Variants in LRCH1 observed in about 807,000 individuals in gnomAD.
The protein encoded by LRCH1 is leucine rich repeats and calponin homology domain containing 1.
In LRCH1, 23 loss-of-function variants were observed where a neutral mutation model predicts 94.9. The observed-to-expected ratio is 0.24, with a 90% CI of 0.17 to 0.34. The LOEUF is 0.34. LRCH1 is among the 10% of genes least tolerant of loss of function. The pLI, the probability that LRCH1 is intolerant of heterozygous loss-of-function variation, is 1.00. For synonymous variants in LRCH1, 364 were observed against 354.9 expected, an observed-to-expected ratio of 1.03 and a Z score of -0.29; for missense variants, 790 against 945.9, an observed-to-expected ratio of 0.84 and a Z score of 2.16.
intron 1 of LRCH1, among the ~76,000 whole-genome samples, chr13:46,598,092 C>A (rs2050584856): frequency 6.6e-6 from 1 of 152,066 alleles, no homozygotes; most frequent in South Asian, 2.1e-4. Context: ...ACTAGCCTGG[C>A]CAACATGATG....
chr13:46,636,642 C>G lies in LRCH1; in HGVS notation c.308-13559C>G, dbSNP rs1581766. ...TACATTCCCCCTCCACCACTTTTCT[C>G]AGGGTCACCTGTGGCCTCCACTTGC... On this transcript the variant is annotated intron_variant, in intron 1 of 19. Coordinates refer to ENST00000389797, the MANE Select transcript of LRCH1 (RefSeq NM_001164211.2). Among the ~76,000 whole-genome samples, 11 of 152,288 alleles carry G rather than the reference C, an allele frequency of 7.2e-5. No homozygotes were observed. In the South Asian group the frequency reaches 2.1e-3, roughly 29 times the overall value.
chr13:46,659,187 TA>T (rs2051414024), intron 2 of LRCH1, among the ~76,000 whole-genome samples: 2 of 149,868 alleles, frequency 1.3e-5, no homozygotes, highest in African/African-American at 5.0e-5. Context: ...TTTATTTATT[TA>T]TTTATTTATT....
intron 1 of LRCH1, among the ~76,000 whole-genome samples, chr13:46,608,717 T>G (rs1441368896): frequency 6.6e-6 from 1 of 152,236 alleles, no homozygotes; most frequent in Non-Finnish European, 1.5e-5. Flanking sequence ...GCTCGTCTCT[T>G]GCTAAAAGAG....
intron 1 of LRCH1, among the ~76,000 whole-genome samples, chr13:46,573,446 T>C (rs1470508473): frequency 6.6e-6 from 1 of 152,176 alleles, no homozygotes; most frequent in Non-Finnish European, 1.5e-5. Flanking sequence ...GTTGCAGCAC[T>C]GTTGACAATA....
Position 46,553,351 on chromosome 13 carries a change from C to A in LRCH1, c.-46C>A, listed in dbSNP as rs754196268. Reference sequence around the variant, plus strand: ...TTTCCCCTCGCGGGGAACGCTGTGACCCCCCCGCAGGAGCGGCGGGGCGGG... The same window carrying A: ...TTTCCCCTCGCGGGGAACGCTGTGAACCCCCCGCAGGAGCGGCGGGGCGGG... On this transcript the variant is annotated 5_prime_UTR_variant, in exon 1 of 20. Coordinates refer to ENST00000389797, the MANE Select transcript of LRCH1 (RefSeq NM_001164211.2). 2.7e-5 allele frequency: 39 copies of A among 1,447,436 alleles called. No individual in the cohort carries two copies. In the African/African-American group the frequency reaches 4.8e-4, roughly 18 times the overall value. 89.7% of individuals were successfully genotyped at this position (1,447,436 alleles called of 1,614,324 possible). A position where few individuals can be genotyped will look rare whatever the true frequency, so the allele number is the denominator to read the frequency against.
At chr13:46,684,635 T>C (rs2138147378) in intron 4 of LRCH1, among the ~76,000 whole-genome samples, 1 of 152,314 alleles carries the variant, frequency 6.6e-6, no homozygotes, top group East Asian at 1.9e-4. Flanking sequence ...ATCTTCATAA[T>C]TCTTATCATC....
intron 16 of LRCH1, among the ~76,000 whole-genome samples, chr13:46,716,821 C>T (rs1483624857): frequency 6.6e-6 from 1 of 152,010 alleles, no homozygotes; most frequent in African/African-American, 2.4e-5. Context: ...AAATGGCCCT[C>T]CTTATACCAT....
intron 1 of LRCH1, among the ~76,000 whole-genome samples, chr13:46,626,698 C>T (rs1232053865): frequency 2.0e-5 from 3 of 152,196 alleles, no homozygotes; most frequent in East Asian, 1.9e-4. Context: ...CTCACATGGA[C>T]GTGCATGAAA....
At chr13:46,702,194 G>T (rs1335647554) in intron 11 of LRCH1, among the ~76,000 whole-genome samples, 1 of 67,382 alleles carries the variant, frequency 1.5e-5, no homozygotes, top group East Asian at 6.1e-4. Flanking sequence ...GATAGAGATT[G>T]CCTTGAGAAG....
At chr13:46,675,721 A>G (rs921821659) in intron 3 of LRCH1, among the ~76,000 whole-genome samples, 3 of 152,060 alleles carry the variant, frequency 2.0e-5, no homozygotes, top group Non-Finnish European at 2.9e-5. Flanking sequence ...CTGTTTGTCC[A>G]TTCATTGTCT....
rs1409602625 is a variant in LRCH1 at position 46,741,711 on chromosome 13, C to G, written c.2155C>G (p.Leu719Val). 3.7e-6 allele frequency: 6 copies of G among 1,614,120 alleles called. No individual in the cohort carries two copies. The East Asian group carries it at 6.7e-5, about 18-fold the overall frequency. The change falls in exon 20 of 20, where the codon CTG becomes GTG. Residue 719 changes from leucine (L) to valine (V), a missense_variant. This residue lies in a region of LRCH1 where 460 missense variants were observed against 508.9 expected (regional missense o/e 0.90). Coordinates refer to ENST00000389797, the MANE Select transcript of LRCH1 (RefSeq NM_001164211.2). ...TCACATTCGAAAGACTGTTGACACTCTGCTGGCACTCGGGGAGAAAGCCCC... is the reference window on the plus strand; with the variant it reads ...TCACATTCGAAAGACTGTTGACACTGTGCTGGCACTCGGGGAGAAAGCCCC... ...FRHIRKTVDT[L>V]LALGEKAPPP...
intron 1 of LRCH1, among the ~76,000 whole-genome samples, chr13:46,567,667 C>T (rs1389771438): frequency 1.3e-5 from 2 of 152,084 alleles, no homozygotes; most frequent in African/African-American, 4.8e-5. Context: ...TGTATCTATA[C>T]AGTACTGTAA....
chr13:46,741,741 C>T lies in LRCH1; in HGVS notation c.2185C>T (p.Pro729Ser), dbSNP rs1253932140. 3.1e-6 allele frequency: 5 copies of T among 1,614,232 alleles called. No individual in the cohort carries two copies. In the Admixed American group the frequency reaches 5.0e-5, roughly 16 times the overall value. The change falls in exon 20 of 20, where the codon CCA (proline) becomes TCA (serine). Residue 729 changes from proline (P) to serine (S), a missense_variant. Transcript: ENST00000389797. ...LLALGEKAPP[P>S]TSALRSRDLI... ...GGCACTCGGGGAGAAAGCCCCACCA[C>T]CAACTTCTGCCCTCCGCTCCAGGGA...
rs191529695 is a variant in LRCH1 at position 46,750,449 on chromosome 13, A to G, written c.1981-91A>G. 675 of 890,548 alleles carry G rather than the reference A, an allele frequency of 7.6e-4. 3 individuals are homozygous for G. The African/African-American group carries it at 9.9e-3, about 13-fold the overall frequency. The allele number at this position is 890,548 out of a possible 1,614,324, so 55.2% of individuals were successfully genotyped here. ...TCAAACAGGCATACTAGAGTATTCA[A>G]CCTAACTTTGATGTCATCAACGATG... On this transcript the variant is annotated intron_variant, in intron 18 of 18. Transcript: ENST00000311191.
chr13:46,596,389 A>T (rs2050563339), intron 1 of LRCH1, among the ~76,000 whole-genome samples: 1 of 152,220 alleles, frequency 6.6e-6, no homozygotes, highest in African/African-American at 2.4e-5. Flanking sequence ...CTCCAGGGAG[A>T]TAAAAAAAAT....
Position 46,743,038 on chromosome 13 carries a change from G to A in LRCH1, c.*1190G>A, listed in dbSNP as rs1459381878. The A allele has an allele frequency of 2.0e-6, 2 of 985,372 alleles. No individual in the cohort carries two copies. The highest frequency in any genetic ancestry group is 5.2e-4 in the Middle Eastern group (1 of 1,914). 61.0% of individuals were successfully genotyped at this position (985,372 alleles called of 1,614,324 possible). A position where few individuals can be genotyped will look rare whatever the true frequency, so the allele number is the denominator to read the frequency against. ...TTAGCCAGAATGTCCCTGGATTCAG[G>A]GGTGTCTTTGTATAATATGAGAGGG... On this transcript the variant is annotated 3_prime_UTR_variant, in exon 20 of 20. Coordinates refer to ENST00000389797, the MANE Select transcript of LRCH1 (RefSeq NM_001164211.2).
chr13:46,581,115 C>T (rs2050359949), intron 1 of LRCH1, among the ~76,000 whole-genome samples: 1 of 152,126 alleles, frequency 6.6e-6, no homozygotes, highest in Admixed American at 6.5e-5. Flanking sequence ...TCCCTGTGTA[C>T]CAGAAAGCAG....
At chr13:46,668,943 T>C (rs2138117067) in intron 2 of LRCH1, 87 bp from the exon 3 acceptor site, 1 of 1,431,740 alleles carries the variant, frequency 7.0e-7, no homozygotes. Context: ...AGATCACTCC[T>C]TTTTCCTTTC....
At chr13:46,693,506 G>C (rs1224829402) in intron 8 of LRCH1, among the ~76,000 whole-genome samples, 1 of 152,204 alleles carries the variant, frequency 6.6e-6, no homozygotes, top group Non-Finnish European at 1.5e-5. Context: ...CTGCACATGA[G>C]GGTGGGAAAT....
Sources: allele counts gnomAD v4.1 joint callset (sites outside exome capture counted in the v4.1 genomes callset), GRCh38; gene constraint gnomAD v4.1.1; regional missense constraint gnomAD v4.1.1; transcripts MANE v1.5; gene names NCBI Gene and HGNC (gene_info 2026-07-23, HGNC 2026-07-21).